The following DOCK6 variants were observed in gnomAD, a reference collection of about 807,000 sequenced individuals.
DOCK6 encodes dedicator of cytokinesis 6.
In DOCK6, 167 loss-of-function variants were observed where a neutral mutation model predicts 230.3. That is an observed-to-expected ratio of 0.73 (90% confidence interval 0.64 to 0.82). DOCK6 has a LOEUF of 0.82. Among genes scored for constraint, DOCK6 ranks in the 40% least tolerant of loss-of-function variants. The probability of loss-of-function intolerance (pLI) is 0.00; values close to 1 mark genes in which losing one functional copy is unlikely to be tolerated. For synonymous variants in DOCK6, 1,148 were observed against 1,185.0 expected, an observed-to-expected ratio of 0.97 and a Z score of 0.64; for missense variants, 2,598 against 2,825.8, an observed-to-expected ratio of 0.92 and a Z score of 1.83.
intron 28 of DOCK6, among the ~76,000 whole-genome samples, chr19:11,218,536 C>T (rs991853562): frequency 2.0e-5 from 3 of 152,094 alleles, no homozygotes; most frequent in African/African-American, 4.8e-5. Flanking sequence ...CAGCCTCAAC[C>T]TCCTGAACTC....
chr19:11,257,945 TAC>T (rs149743240), intron 1 of DOCK6, among the ~76,000 whole-genome samples: 8 of 151,812 alleles, frequency 5.3e-5, no homozygotes, highest in Non-Finnish European at 7.4e-5. Context: ...AACACAAATG[TAC>T]ACACACACAC....
chr19:11,218,668 C>T (rs1375538629), intron 28 of DOCK6, among the ~76,000 whole-genome samples: 4 of 151,386 alleles, frequency 2.6e-5, no homozygotes, highest in Admixed American at 2.6e-4. Flanking sequence ...GGCTGGTCCT[C>T]AACTCCTGGA....
chr19:11,243,198 T>C lies in DOCK6; in HGVS notation c.1387-46A>G, dbSNP rs778998089. 1.2e-5 allele frequency: 19 copies of C among 1,612,536 alleles called. No individual in the cohort carries two copies. In the East Asian group the frequency reaches 4.0e-4, roughly 34 times the overall value. ...TCAGCCTGGGCCAGGGGGCTAGGGGTCCCCAGGGCTAATGCAGCCAGCGGG... is the reference window on the plus strand; with the variant it reads ...TCAGCCTGGGCCAGGGGGCTAGGGGCCCCCAGGGCTAATGCAGCCAGCGGG... On this transcript the variant is annotated intron_variant, in intron 12 of 47. Coordinates refer to ENST00000294618, the MANE Select transcript of DOCK6 (RefSeq NM_020812.4). This position sits in a 1 kb window ranked among gnomAD's most constrained non-coding sequence, Gnocchi z 6.3.
rs1470630868 is a variant in DOCK6 at position 11,261,840 on chromosome 19, C to T, written c.44+557G>A. On this transcript the variant is annotated intron_variant, in intron 1 of 47. Coordinates refer to ENST00000294618, the MANE Select transcript of DOCK6 (RefSeq NM_020812.4). The stretch of plus-strand genomic sequence containing the variant: ...TGGGGGGGCGTCCACAGCTGTCCCC[C>T]TTCCCCCCCCCCGACAGCTGGGCAC... Among the ~76,000 whole-genome samples the T allele has an allele frequency of 5.0e-5, 7 of 140,844 alleles. No homozygotes were observed. In the South Asian group the frequency reaches 1.1e-3, roughly 22 times the overall value. 92.4% of individuals were successfully genotyped at this position (140,844 alleles called of 152,430 possible).
chr19:11,208,978 A>G lies in DOCK6; in HGVS notation c.4877T>C (p.Leu1626Pro), dbSNP rs2079313848. The change falls in exon 38 of 48, where the codon CTC (leucine) becomes CCC (proline). Residue 1626 changes from leucine (L) to proline (P), a missense_variant. Physicochemically the swap from Leu to Pro is moderately conservative, Grantham distance 98. Coordinates refer to ENST00000294618, the MANE Select transcript of DOCK6 (RefSeq NM_020812.4). ...GAGCAGGGCGAGGTACTCAGCCACG[A>G]GGGCGGCCGCGTGCACCATGCACTG... is the stretch of plus-strand genomic sequence containing the variant. The part of the protein sequence containing the change: ...AAQCMVHAAA[L>P]VAEYLALLED... 8 of 1,606,726 alleles carry G rather than the reference A, an allele frequency of 5.0e-6. No homozygotes were observed. Among genetic ancestry groups the G allele is most frequent in the Non-Finnish European group, 6.8e-6 (8 of 1,175,484 alleles).
At chr19:11,219,327 GC>G (rs1315672917) in intron 28 of DOCK6, among the ~76,000 whole-genome samples, 1 of 150,820 alleles carries the variant, frequency 6.6e-6, no homozygotes, top group Non-Finnish European at 1.5e-5. Context: ...GGGATTACAG[GC>G]ATGCAGCATC....
chr19:11,200,343 C>G lies in DOCK6; in HGVS notation c.6066G>C (p.Leu2022=), dbSNP rs1363018682. The G allele has an allele frequency of 7.0e-6, 11 of 1,576,564 alleles. No homozygotes were observed. The highest frequency in any genetic ancestry group is 8.6e-6 in the Non-Finnish European group (10 of 1,161,256). Residue 2022 remains leucine (L), a synonymous_variant, in exon 47 of 48, where the codon CTG becomes CTC. Transcript: ENST00000294618. This position sits in a 1 kb window ranked among gnomAD's most constrained non-coding sequence, Gnocchi z 4.3. ...GTGGGGTGGGTGCCATCAGCTGGGG[C>G]AGGCGCTGGGTAAGCAGGGGCTGCA... is the stretch of plus-strand genomic sequence containing the variant. The part of the protein sequence containing the change: ...EALQPLLTQR[L]PQLMAPTPPG...
At chr19:11,203,484 A>T (rs1600844691) in intron 41 of DOCK6, 1 of 154,172 alleles carries the variant, frequency 6.5e-6, no homozygotes, top group African/African-American at 2.4e-5. Flanking sequence ...TGCCCTCCCC[A>T]CCCAGCTCCC....
rs1408709996 is a variant in DOCK6 at position 11,202,760 on chromosome 19, C to T, written c.5236-51G>A. ...TGTCCGGGAGGCCCCTGCTGGAGGTCTCCCTGCCCCAGAGATAGGTGTCTC... is the reference window on the plus strand; with the variant it reads ...TGTCCGGGAGGCCCCTGCTGGAGGTTTCCCTGCCCCAGAGATAGGTGTCTC... On this transcript the variant is annotated intron_variant, in intron 41 of 47. Coordinates refer to ENST00000294618, the MANE Select transcript of DOCK6 (RefSeq NM_020812.4). The surrounding 1 kb of genome is among the most constrained non-coding windows in gnomAD (Gnocchi z 5.3). The T allele has an allele frequency of 1.9e-6, 3 of 1,607,970 alleles. No individual in the cohort carries two copies. In the African/African-American group the frequency reaches 4.0e-5, roughly 21 times the overall value.
rs1290812481 is a variant in DOCK6 at position 11,252,968 on chromosome 19, A to G, written c.133-10T>C. 6.3e-7 allele frequency: 1 copy of G among 1,598,010 alleles called. No individual in the cohort carries two copies. The highest frequency in any genetic ancestry group is 1.8e-5 in the Admixed American group (1 of 57,128). ...CTTCAGTCAGTGGGACCTGGATTGGAGCAAAGTGGCTGTGATCGCACTACC... is the reference window on the plus strand; with the variant it reads ...CTTCAGTCAGTGGGACCTGGATTGGGGCAAAGTGGCTGTGATCGCACTACC... On this transcript the variant is annotated splice_polypyrimidine_tract_variant and intron_variant, in intron 2 of 47. Transcript: ENST00000294618.
chr19:11,237,257 C>T, intron 18 of DOCK6, 199 bp downstream of exon 18: 1 of 640,540 alleles, frequency 1.6e-6, no homozygotes, highest in East Asian at 2.7e-5. Flanking sequence ...GGGAATGGAG[C>T]AGAGAGGCAA....
chr19:11,233,109 G>T, intron 22 of DOCK6, 94 bp downstream of exon 22: 1 of 1,491,812 alleles, frequency 6.7e-7, no homozygotes, highest in Non-Finnish European at 9.0e-7. Flanking sequence ...TGTCGTCTCT[G>T]TTGTTTCCCA....
At chr19:11,239,670 C>T (rs200010590) in intron 14 of DOCK6, 41 of 1,613,656 alleles carry the variant, frequency 2.5e-5, no homozygotes, top group Non-Finnish European at 3.4e-5. Context: ...TGCTCTGGGC[C>T]CTGGCAATGG....
rs150276162 is a variant in DOCK6 at position 11,236,788 on chromosome 19, C to T, written c.2160+5G>A. ...GGGACTCTTGGTTCCCGGCCCACCC[C>T]GTACCTGGGGGTGCACAGAGGACAC... On this transcript the variant is annotated splice_donor_5th_base_variant and intron_variant, in intron 19 of 47. Coordinates refer to ENST00000294618, the MANE Select transcript of DOCK6 (RefSeq NM_020812.4). The surrounding 1 kb of genome is among the most constrained non-coding windows in gnomAD (Gnocchi z 5.2). 1,207 of 1,552,488 alleles carry T rather than the reference C, an allele frequency of 7.8e-4. 6 individuals are homozygous for T. The African/African-American group carries it at 0.014, about 19-fold the overall frequency.
At chr19:11,218,874 CTTTT>C (rs74180011) in intron 28 of DOCK6, among the ~76,000 whole-genome samples, 171 of 104,974 alleles carry the variant, frequency 1.6e-3, no homozygotes, top group African/African-American at 6.8e-3. Flanking sequence ...AAAAAAATCA[CTTTT>C]TTTTTTTTTT....
At position 11,215,173 on chromosome 19, in the gene DOCK6, G is replaced by GATCTTGTGA. The variant is rs574020923; in HGVS notation, c.4106+205_4106+213dup. Among the ~76,000 whole-genome samples the GATCTTGTGA allele has an allele frequency of 7.6e-3, 1,157 of 152,236 alleles. 21 individuals carry two copies. Among genetic ancestry groups the GATCTTGTGA allele is most frequent in the African/African-American group, 0.026 (1,083 of 41,532 alleles). On this transcript the variant is annotated intron_variant, in intron 32 of 47. Transcript: ENST00000294618. ...TTAGCCAGGATGGTCTCGATCTCCT[G>GATCTTGTGA]ATCTTGTGATCCGCCTGCCTCGGCC...
chr19:11,241,795 C>T (rs2079949958), intron 14 of DOCK6: 11 of 1,511,300 alleles, frequency 7.3e-6, no homozygotes, highest in Middle Eastern at 3.4e-4. Flanking sequence ...TCAGCCAGGG[C>T]GCCGGGCCCC....
At chr19:11,259,435 G>GGA (rs61042742) in intron 1 of DOCK6, among the ~76,000 whole-genome samples, 15,996 of 148,122 alleles carry the variant, frequency 0.11, 824 homozygotes, top group Non-Finnish European at 0.13. Context: ...CAAGGATGGG[G>GGA]GAGAGAGAGA....
intron 32 of DOCK6, 52 bp downstream of exon 32, chr19:11,215,335 C>G: frequency 6.5e-7 from 1 of 1,532,878 alleles, no homozygotes; most frequent in Admixed American, 1.7e-5. Context: ...AATCCTCCTG[C>G]CTCGGCCCAA....
Sources: gnomAD v4.1 joint callset for allele counts (sites outside exome capture counted in the v4.1 genomes callset) on GRCh38, gnomAD v4.1.1 for gene constraint, Gnocchi (gnomAD v3.1) non-coding constraint, MANE v1.5 for transcripts, NCBI Gene and HGNC (gene_info 2026-07-23, HGNC 2026-07-21) for gene names.